Variants in ADAM10 observed in about 807,000 individuals in gnomAD.
ADAM10 encodes disintegrin and metalloproteinase domain-containing protein 10.
ADAM10 carries 17 observed loss-of-function variants against 90.1 expected under a neutral mutation model. The observed-to-expected ratio is 0.19, with a 90% CI of 0.13 to 0.28. The LOEUF (loss-of-function observed/expected upper bound fraction) is 0.28, where lower values mean the gene tolerates loss of function less well. Among genes scored for constraint, ADAM10 ranks in the 10% least tolerant of loss-of-function variants. The probability of loss-of-function intolerance (pLI) is 1.00; values close to 1 mark genes in which losing one functional copy is unlikely to be tolerated. For synonymous variants in ADAM10, 310 were observed against 298.6 expected (o/e 1.04, Z -0.40); for missense variants, 610 against 914.3 (o/e 0.67, Z 4.29).
chr15:58,612,544 A>G (rs540511150), intron 11 of ADAM10, among the ~76,000 whole-genome samples: 18 of 152,252 alleles, frequency 1.2e-4, no homozygotes, highest in African/African-American at 4.3e-4. Flanking sequence ...GTGCTTGAAC[A>G]TTCTGAGGTA....
At chr15:58,691,965 C>G in intron 2 of ADAM10, 2 of 425,982 alleles carry the variant, frequency 4.7e-6, no homozygotes, top group Non-Finnish European at 9.4e-6. Flanking sequence ...CGTGAGCCAC[C>G]ATGCCCAGCC....
intron 5 of ADAM10, among the ~76,000 whole-genome samples, chr15:58,650,108 A>G (rs1896649243): frequency 6.6e-6 from 1 of 152,156 alleles, no homozygotes; most frequent in Admixed American, 6.6e-5. Context: ...TTTTCTGCTA[A>G]AATTTTAAAT....
intron 1 of ADAM10, among the ~76,000 whole-genome samples, chr15:58,725,928 G>C (rs1238234379): frequency 6.6e-6 from 1 of 152,072 alleles, no homozygotes; most frequent in Non-Finnish European, 1.5e-5. Context: ...AAATGATAAA[G>C]TTTTTCAGAT....
chr15:58,646,177 CA>C lies in ADAM10; in HGVS notation c.612del (p.Asn204LysfsTer6). On this transcript the variant is annotated frameshift_variant, in exon 6 of 16. Transcript: ENST00000260408. LOFTEE classifies it high-confidence loss of function. The stretch of plus-strand genomic sequence containing the variant: ...CGTTTTTTCCTCAGAAGTTCTGGAC[CA>C]TTAGCAGCATGTTCTTCTTGAGGTA... ...TQIPQEEHAANGPELLRKKRT... is the reference protein window; with the variant it reads ...TQIPQEEHAAXGPELLRKKRT... 6.2e-7 allele frequency: 1 copy of C among 1,613,140 alleles called. No individual in the cohort carries two copies. Among genetic ancestry groups the C allele is most frequent in the African/African-American group, 1.3e-5 (1 of 74,994 alleles).
At chr15:58,709,281 A>G (rs1195694530) in intron 2 of ADAM10, among the ~76,000 whole-genome samples, 1 of 152,216 alleles carries the variant, frequency 6.6e-6, no homozygotes, top group Non-Finnish European at 1.5e-5. Flanking sequence ...ATAAAATCTG[A>G]GCTAGGGTAC....
chr15:58,605,419 T>C (rs1595984500), intron 14 of ADAM10, among the ~76,000 whole-genome samples: 1 of 151,342 alleles, frequency 6.6e-6, no homozygotes, highest in East Asian at 1.9e-4. Context: ...CATCTGAAAA[T>C]ATTAGTAAGT....
chr15:58,683,098 G>C (rs1351596829), intron 2 of ADAM10, among the ~76,000 whole-genome samples: 4 of 152,024 alleles, frequency 2.6e-5, no homozygotes, highest in Non-Finnish European at 5.9e-5. Context: ...AAATATTAGA[G>C]ATTTTATAAC....
chr15:58,632,535 C>A (rs1426469137), intron 9 of ADAM10, among the ~76,000 whole-genome samples: 2 of 152,142 alleles, frequency 1.3e-5, no homozygotes, highest in Non-Finnish European at 2.9e-5. Flanking sequence ...ACAACAGAAA[C>A]CAAACACTGC....
chr15:58,708,148 G>A (rs1009040821), intron 2 of ADAM10, among the ~76,000 whole-genome samples: 2 of 152,122 alleles, frequency 1.3e-5, no homozygotes, highest in African/African-American at 2.4e-5. Flanking sequence ...GACTTCCACT[G>A]TTCAGGTATC....
intron 2 of ADAM10, among the ~76,000 whole-genome samples, chr15:58,703,246 C>CT (rs1391943895): frequency 4.2e-5 from 6 of 143,900 alleles, no homozygotes; most frequent in African/African-American, 1.5e-4. Flanking sequence ...TATATATTGC[C>CT]TTATAATGAT....
chr15:58,716,517 A>T (rs549110426), intron 2 of ADAM10, among the ~76,000 whole-genome samples: 1 of 152,344 alleles, frequency 6.6e-6, no homozygotes, highest in South Asian at 2.1e-4. Context: ...ACAGACTAGA[A>T]GATCATTCTG....
At chr15:58,712,631 C>A (rs1194444909) in intron 2 of ADAM10, among the ~76,000 whole-genome samples, 1 of 150,196 alleles carries the variant, frequency 6.7e-6, no homozygotes, top group East Asian at 1.9e-4. Context: ...CATCCTGGCT[C>A]ACATGGTGAA....
chr15:58,674,964 C>T (rs948035637), intron 4 of ADAM10, among the ~76,000 whole-genome samples: 1 of 152,282 alleles, frequency 6.6e-6, no homozygotes, highest in African/African-American at 2.4e-5. Context: ...CCGAGGCGGG[C>T]GGATCACGAG....
chr15:58,706,314 T>C (rs1383145013), intron 2 of ADAM10, among the ~76,000 whole-genome samples: 7 of 152,198 alleles, frequency 4.6e-5, no homozygotes, highest in African/African-American at 1.2e-4. Context: ...AATAGAGTTC[T>C]ATCATATCTA....
At chr15:58,733,182 ATGATCATAAAAGAGAAGAGCTGACAG>A (rs1192807719) in intron 1 of ADAM10, 1 of 152,268 alleles carries the variant, frequency 6.6e-6, no homozygotes, top group Admixed American at 6.5e-5. Flanking sequence ...TCAAAATAGC[ATGATCATAAAAGAGAAGAGCTGACAG>A]TGACCTCTGA....
At position 58,717,630 on chromosome 15, in the gene ADAM10, T is replaced by C. The variant is rs201370968; in HGVS notation, c.153A>G (p.Arg51=). The C allele has an allele frequency of 2.9e-5, 47 of 1,613,826 alleles. No homozygotes were observed. Among genetic ancestry groups the C allele is most frequent in the Non-Finnish European group, 3.7e-5 (44 of 1,179,952 alleles). The change falls in exon 2 of 16, where the codon AGA becomes AGG. Residue 51 remains arginine (R), a synonymous_variant. Coordinates refer to ENST00000260408, the MANE Select transcript of ADAM10 (RefSeq NM_001110.4). Reference sequence around the variant, plus strand: ...AAAATTGGTCTTCATGTGAGACTGCTCTTTTGGCACGCTGGTGTTTTTGGT... The same window carrying C: ...AAAATTGGTCTTCATGTGAGACTGCCCTTTTGGCACGCTGGTGTTTTTGGT... The part of the protein sequence containing the change: ...SLHQKHQRAK[R]AVSHEDQFLR...
chr15:58,610,603 G>A, intron 13 of ADAM10, 86 bp from the exon 14 acceptor site: 1 of 1,386,708 alleles, frequency 7.2e-7, no homozygotes, highest in Admixed American at 1.9e-5. Flanking sequence ...AATACAAAGA[G>A]GGAAAAAAAA....
intron 2 of ADAM10, among the ~76,000 whole-genome samples, chr15:58,697,501 G>C (rs547783326): frequency 6.6e-6 from 1 of 152,246 alleles, no homozygotes. Context: ...CTAGGGGCCT[G>C]AGATTTAGCC....
In ADAM10 at chr15:58,589,662, G is replaced by C. The variant is rs140073738; in HGVS notation, c.*7885C>G. 306 of 152,360 alleles carry C rather than the reference G, an allele frequency of 2.0e-3. 1 individual carries two copies. The highest frequency in any genetic ancestry group is 6.9e-3 in the African/African-American group (286 of 41,574). The allele number at this position is 152,360 out of a possible 1,614,324, so 9.4% of individuals were successfully genotyped here. ...GCCACTGAGTGTAAATGATTCTCTC[G>C]AAAGTTTGGCTTAGATGAGGCAGGA... is the stretch of plus-strand genomic sequence containing the variant. On this transcript the variant is annotated 3_prime_UTR_variant, in exon 16 of 16. Coordinates refer to ENST00000260408, the MANE Select transcript of ADAM10 (RefSeq NM_001110.4).
Sources: gnomAD v4.1 joint callset for allele counts (sites outside exome capture counted in the v4.1 genomes callset) on GRCh38, gnomAD v4.1.1 for gene constraint, MANE v1.5 for transcripts, NCBI Gene and HGNC (gene_info 2026-07-23, HGNC 2026-07-21) for gene names.